OSBPL6: variants seen among roughly 807,000 people sequenced by gnomAD.
The protein encoded by OSBPL6 is oxysterol binding protein like 6.
Under a neutral mutation model 125.8 loss-of-function variants are expected in OSBPL6, and 49 were observed. The ratio of observed to expected loss-of-function variants is 0.39; its 90% CI spans 0.31 to 0.49. The LOEUF is 0.49. Ranked by LOEUF, OSBPL6 falls within the 20% of genes least tolerant of loss-of-function variation. The probability of loss-of-function intolerance (pLI) is 0.88; values close to 1 mark genes in which losing one functional copy is unlikely to be tolerated. For missense variants in OSBPL6, 986 were observed against 1,135.4 expected (o/e 0.87, Z 1.89); for synonymous variants, 394 against 391.8 (o/e 1.01, Z -0.07).
Position 178,233,173 on chromosome 2 carries a change from A to G in OSBPL6, c.-351+38499A>G, listed in dbSNP as rs571518785. On this transcript the variant is annotated intron_variant, in intron 1 of 24. Transcript: ENST00000190611. The stretch of plus-strand genomic sequence containing the variant: ...GAAACCTGTTCGATATTCTGAGGGC[A>G]GAAATGGGAAGTGGAGTTTTTTCAG... 2.0e-5 allele frequency among the ~76,000 whole-genome samples: 3 copies of G among 152,348 alleles called. No individual in the cohort carries two copies. In the East Asian group the frequency reaches 5.8e-4, roughly 29 times the overall value.
intron 18 of OSBPL6, 72 bp downstream of exon 18, chr2:178,384,248 G>T: frequency 6.5e-7 from 1 of 1,543,382 alleles, no homozygotes; most frequent in Non-Finnish European, 8.9e-7. Context: ...GCACCATTTC[G>T]ATAACAATCT....
intron 3 of OSBPL6, chr2:178,320,384 C>A: frequency 6.2e-7 from 1 of 1,613,222 alleles, no homozygotes; most frequent in Non-Finnish European, 8.5e-7. Flanking sequence ...TATCTCTGAT[C>A]AGGGGAAACA....
rs186954748 is a variant in OSBPL6 at position 178,288,597 on chromosome 2, T to G, written c.-156+3476T>G. Among the ~76,000 whole-genome samples, 537 of 152,094 alleles carry G rather than the reference T, an allele frequency of 3.5e-3. 1 individual carries two copies. The highest frequency in any genetic ancestry group is 4.7e-3 in the Non-Finnish European group (320 of 67,962). On this transcript the variant is annotated intron_variant, in intron 2 of 24. Coordinates refer to ENST00000190611, the MANE Select transcript of OSBPL6 (RefSeq NM_032523.4). Reference sequence around the variant, plus strand: ...AAGTGGGGGAAAAAAAGGAGTATACTGTTCATATCAAGGTTTTCATATATA... The same window carrying G: ...AAGTGGGGGAAAAAAAGGAGTATACGGTTCATATCAAGGTTTTCATATATA...
intron 13 of OSBPL6, among the ~76,000 whole-genome samples, chr2:178,363,978 G>A (rs991194522): frequency 3.3e-5 from 5 of 152,172 alleles, no homozygotes; most frequent in African/African-American, 7.2e-5. Context: ...TCCCCTCGGC[G>A]TAGTCGCACC....
chr2:178,344,664 A>G (rs962233465), intron 11 of OSBPL6, among the ~76,000 whole-genome samples: 2 of 97,616 alleles, frequency 2.0e-5, no homozygotes, highest in African/African-American at 6.0e-5. Flanking sequence ...CTTAAATTAT[A>G]TTGTTTTTTT....
At chr2:178,379,225 A>G (rs1417479148) in intron 15 of OSBPL6, among the ~76,000 whole-genome samples, 1 of 150,612 alleles carries the variant, frequency 6.6e-6, no homozygotes, top group Non-Finnish European at 1.5e-5. Flanking sequence ...GAAGTAAGGG[A>G]AAGAAGAAAG....
chr2:178,245,160 G>T (rs753349213), intron 1 of OSBPL6, among the ~76,000 whole-genome samples: 1 of 152,170 alleles, frequency 6.6e-6, no homozygotes, highest in Admixed American at 6.5e-5. Context: ...AGGAATGCCT[G>T]CCTCCTCACT....
intron 1 of OSBPL6, among the ~76,000 whole-genome samples, chr2:178,203,750 C>T (rs866361366): frequency 3.3e-5 from 5 of 152,284 alleles, no homozygotes; most frequent in Middle Eastern, 3.4e-3. Context: ...TCTTTAAGGT[C>T]TTGGCTTTAA....
intron 22 of OSBPL6, among the ~76,000 whole-genome samples, 197 bp downstream of exon 22, chr2:178,391,414 A>G (rs751331255): frequency 6.6e-6 from 1 of 152,244 alleles, no homozygotes; most frequent in Non-Finnish European, 1.5e-5. Context: ...TTGATATTTC[A>G]TAATAAAGAA....
At chr2:178,240,431 CG>C in intron 1 of OSBPL6, among the ~76,000 whole-genome samples, 1 of 151,950 alleles carries the variant, frequency 6.6e-6, no homozygotes, top group East Asian at 1.9e-4. Context: ...TAGCCAGGCA[CG>C]GTGGTGCACA....
At chr2:178,250,625 C>T (rs1387004308) in intron 1 of OSBPL6, among the ~76,000 whole-genome samples, 1 of 152,188 alleles carries the variant, frequency 6.6e-6, no homozygotes, top group Admixed American at 6.5e-5. Context: ...GGCTTCTGCA[C>T]CGGCTGTTCC....
At chr2:178,334,922 A>G (rs1689544134) in intron 8 of OSBPL6, among the ~76,000 whole-genome samples, 1 of 152,174 alleles carries the variant, frequency 6.6e-6, no homozygotes, top group South Asian at 2.1e-4. Flanking sequence ...AATACCAACC[A>G]GTTCTGAAAT....
rs755944128 is a variant in OSBPL6, at chr2:178,337,949, C to CTTTTTTTTTTTTTTTTTTTTTT, written c.791-1032_791-1031insTTTTTTTTTTTTTTTTTTTTTT. ...AATAAGAAAAGTAACTCAGTATTCT[C>CTTTTTTTTTTTTTTTTTTTTTT]TTTTTTTTTTGAGACGGAGTCTTGC... On this transcript the variant is annotated intron_variant, in intron 9 of 24. Transcript: ENST00000190611. Among the ~76,000 whole-genome samples, 15 of 139,174 alleles carry CTTTTTTTTTTTTTTTTTTTTTT rather than the reference C, an allele frequency of 1.1e-4. 2 individuals are homozygous for CTTTTTTTTTTTTTTTTTTTTTT. The highest frequency in any genetic ancestry group is 1.4e-4 in the Non-Finnish European group (9 of 64,786). 91.3% of individuals were successfully genotyped at this position (139,174 alleles called of 152,430 possible).
At chr2:178,210,690 T>C (rs2089807592) in intron 1 of OSBPL6, among the ~76,000 whole-genome samples, 1 of 152,000 alleles carries the variant, frequency 6.6e-6, no homozygotes, top group Non-Finnish European at 1.5e-5. Flanking sequence ...CACATGCCTG[T>C]AATCCCAGCT....
chr2:178,240,683 G>A (rs774812109), intron 1 of OSBPL6, among the ~76,000 whole-genome samples: 9 of 152,112 alleles, frequency 5.9e-5, no homozygotes, highest in Non-Finnish European at 4.4e-5. Flanking sequence ...AGCCCGGGAG[G>A]CAGAGGTTGC....
At chr2:178,270,924 G>A (rs1346740634) in intron 1 of OSBPL6, among the ~76,000 whole-genome samples, 1 of 152,102 alleles carries the variant, frequency 6.6e-6, no homozygotes, top group Non-Finnish European at 1.5e-5. Flanking sequence ...AGGAAATAGA[G>A]GGTCAGATAG....
intron 1 of OSBPL6, among the ~76,000 whole-genome samples, chr2:178,211,308 C>T (rs997281259): frequency 3.3e-5 from 5 of 152,168 alleles, no homozygotes; most frequent in Non-Finnish European, 5.9e-5. Flanking sequence ...CCAAAAAAGT[C>T]AAGGAGGTCC....
chr2:178,210,837 C>A (rs1470195386), intron 1 of OSBPL6, among the ~76,000 whole-genome samples: 36 of 151,492 alleles, frequency 2.4e-4, no homozygotes, highest in African/African-American at 8.5e-4. Context: ...CACACACACA[C>A]ACACACACAC....
At chr2:178,194,915 G>A (rs2088773852) in intron 1 of OSBPL6, among the ~76,000 whole-genome samples, 1 of 152,258 alleles carries the variant, frequency 6.6e-6, no homozygotes, top group East Asian at 1.9e-4. Flanking sequence ...GATGGGAGGG[G>A]GCGTCTGTAT....
Sources: gnomAD v4.1 joint callset for allele counts (sites outside exome capture counted in the v4.1 genomes callset) on GRCh38, gnomAD v4.1.1 for gene constraint, MANE v1.5 for transcripts, NCBI Gene and HGNC (gene_info 2026-07-23, HGNC 2026-07-21) for gene names.